Variants in DCAF1 observed in about 807,000 individuals in gnomAD.
The protein encoded by DCAF1 is DDB1 and CUL4 associated factor 1.
DCAF1 carries 15 observed loss-of-function variants against 128.0 expected under a neutral mutation model. That is an observed-to-expected ratio of 0.12 (90% CI 0.08 to 0.18). The LOEUF is 0.18. DCAF1 is among the 10% of genes least tolerant of loss of function. The pLI is 1.00. For synonymous variants in DCAF1, 610 were observed against 603.0 expected, an observed-to-expected ratio of 1.01 and a Z score of -0.17; for missense variants, 988 against 1,649.5, an observed-to-expected ratio of 0.60 and a Z score of 6.95.
rs1480780308 is a variant in DCAF1 at position 51,456,233 on chromosome 3, TA to T, written c.375+6880del. Among the ~76,000 whole-genome samples the T allele has an allele frequency of 4.6e-5, 7 of 152,126 alleles. No individual in the cohort carries two copies. The South Asian group carries it at 1.5e-3, about 32-fold the overall frequency. ...TAATACTGCGCTTTTCCAACAGGCT[TA>T]AAAAACGGCACACCAGGAGATTACA... On this transcript the variant is annotated intron_variant, in intron 6 of 24. Transcript: ENST00000684031.
intron 3 of DCAF1, among the ~76,000 whole-genome samples, chr3:51,482,223 T>C (rs1189644673): frequency 6.6e-6 from 1 of 151,480 alleles, no homozygotes; most frequent in Admixed American, 6.6e-5. Context: ...GACAGGAGGA[T>C]TGCTTGAGCC....
chr3:51,412,564 A>AC (rs1553628808), intron 22 of DCAF1, 84 bp from the exon 23 acceptor site: 2 of 1,582,266 alleles, frequency 1.3e-6, no homozygotes, highest in African/African-American at 2.7e-5. Context: ...GGTGCCCATG[A>AC]CCTTGACCCT....
chr3:51,440,080 C>T, intron 9 of DCAF1: 2 of 447,722 alleles, frequency 4.5e-6, no homozygotes, highest in East Asian at 6.5e-5. Flanking sequence ...CATAGTTTTT[C>T]CTCTCCTATT....
intron 24 of DCAF1, 109 bp from the exon 25 acceptor site, chr3:51,398,936 C>G: frequency 1.5e-6 from 2 of 1,354,020 alleles, no homozygotes; most frequent in South Asian, 2.6e-5. Flanking sequence ...AGGTTAACTA[C>G]CAGTTTCCAG....
chr3:51,470,614 T>C (rs1387019255), intron 4 of DCAF1, among the ~76,000 whole-genome samples: 1 of 152,146 alleles, frequency 6.6e-6, no homozygotes, highest in African/African-American at 2.4e-5. Flanking sequence ...TTTAATTCTT[T>C]GTCATCATAT....
At chr3:51,457,454 G>A (rs564721507) in intron 6 of DCAF1, among the ~76,000 whole-genome samples, 1 of 152,302 alleles carries the variant, frequency 6.6e-6, no homozygotes, top group South Asian at 2.1e-4. Context: ...ACCTGAAAGT[G>A]ACAGGGAGAA....
chr3:51,448,151 T>C (rs1553640717), intron 6 of DCAF1, among the ~76,000 whole-genome samples: 1 of 152,188 alleles, frequency 6.6e-6, no homozygotes, highest in Non-Finnish European at 1.5e-5. Context: ...TTTTGTTAAT[T>C]CTTAAAATTC....
intron 14 of DCAF1, among the ~76,000 whole-genome samples, chr3:51,421,402 G>A (rs1699380169): frequency 6.6e-6 from 1 of 152,196 alleles, no homozygotes; most frequent in Admixed American, 6.5e-5. Context: ...GATTACAGGC[G>A]CCTGTCACCA....
intron 24 of DCAF1, among the ~76,000 whole-genome samples, chr3:51,401,740 G>A (rs1385841297): frequency 3.3e-5 from 5 of 152,202 alleles, no homozygotes; most frequent in African/African-American, 1.2e-4. Flanking sequence ...ACCATCAGCT[G>A]GCCTGCTGTT....
At chr3:51,434,357 A>G (rs1432808479) in intron 9 of DCAF1, among the ~76,000 whole-genome samples, 2 of 149,802 alleles carry the variant, frequency 1.3e-5, no homozygotes, top group African/African-American at 2.5e-5. Context: ...AGCTAGGATC[A>G]ATTGCACCAC....
At chr3:51,449,916 A>C (rs1463155314) in intron 6 of DCAF1, among the ~76,000 whole-genome samples, 1 of 152,220 alleles carries the variant, frequency 6.6e-6, no homozygotes, top group Non-Finnish European at 1.5e-5. Flanking sequence ...AAATCTACCA[A>C]AACTGACTCA....
intron 24 of DCAF1, 23 bp downstream of exon 24, chr3:51,403,120 C>T: frequency 1.9e-6 from 3 of 1,589,692 alleles, no homozygotes; most frequent in Non-Finnish European, 2.6e-6. Flanking sequence ...CAAGGCTCAG[C>T]CTGAACTCTG....
rs1191143925 is a variant in DCAF1 at position 51,398,482 on chromosome 3, G to GT, written c.*286dup. 621 of 355,898 alleles carry GT rather than the reference G, an allele frequency of 1.7e-3. No individual in the cohort carries two copies. Among genetic ancestry groups the GT allele is most frequent in the Middle Eastern group, 3.8e-3 (5 of 1,332 alleles). 22.0% of individuals were successfully genotyped at this position (355,898 alleles called of 1,614,324 possible). On this transcript the variant is annotated 3_prime_UTR_variant, in exon 25 of 25. Transcript: ENST00000684031. ...TATTGTGAAATACCCCAGAGACATGGTTTTTTTTTCCCCTTGAAAGATATG... is the reference window on the plus strand; with the variant it reads ...TATTGTGAAATACCCCAGAGACATGGTTTTTTTTTTCCCCTTGAAAGATATG...
intron 9 of DCAF1, among the ~76,000 whole-genome samples, chr3:51,434,467 A>G (rs1296652428): frequency 6.6e-6 from 1 of 152,104 alleles, no homozygotes; most frequent in African/African-American, 2.4e-5. Flanking sequence ...TTGGTGAAAA[A>G]CTGCAGTTTT....
At chr3:51,458,934 T>C (rs1441073571) in intron 6 of DCAF1, among the ~76,000 whole-genome samples, 7 of 152,196 alleles carry the variant, frequency 4.6e-5, no homozygotes, top group South Asian at 2.1e-4. Flanking sequence ...GGGAAATTTA[T>C]AGCACTAAAT....
chr3:51,484,682 C>CTTT (rs1228009412), intron 2 of DCAF1, among the ~76,000 whole-genome samples: 14 of 127,076 alleles, frequency 1.1e-4, no homozygotes, highest in South Asian at 2.5e-4. Context: ...TTAATTTTTT[C>CTTT]TTTTTTTTTT....
At position 51,398,669 on chromosome 3, in the gene DCAF1, AAGAC is replaced by A. The variant is rs575040566; in HGVS notation, c.*96_*99del. ...GAATGCAGGGCATGCAGCTCCTTAA[AAGAC>A]AGACAGCCCTGGGAGAAAGAGAAGG... On this transcript the variant is annotated 3_prime_UTR_variant, in exon 25 of 25. Coordinates refer to ENST00000684031, the MANE Select transcript of DCAF1 (RefSeq NM_001387579.1). 1,323 of 1,483,336 alleles carry A rather than the reference AAGAC, an allele frequency of 8.9e-4. 9 individuals are homozygous for A. In the African/African-American group the frequency reaches 0.016, roughly 18 times the overall value. 91.9% of individuals were successfully genotyped at this position (1,483,336 alleles called of 1,614,324 possible).
At chr3:51,486,186 G>C (rs1232367459) in intron 2 of DCAF1, among the ~76,000 whole-genome samples, 1 of 148,736 alleles carries the variant, frequency 6.7e-6, no homozygotes, top group Non-Finnish European at 1.5e-5. Flanking sequence ...ACCACACCCG[G>C]CAGATTCTTT....
At chr3:51,440,676 C>T (rs770713000) in intron 9 of DCAF1, among the ~76,000 whole-genome samples, 27 of 152,094 alleles carry the variant, frequency 1.8e-4, no homozygotes, top group Admixed American at 6.5e-4. Flanking sequence ...GAGGCCAAGG[C>T]GGGCAGATCA....
Sources: gnomAD v4.1 joint callset for allele counts (sites outside exome capture counted in the v4.1 genomes callset) on GRCh38, gnomAD v4.1.1 for gene constraint, MANE v1.5 for transcripts, NCBI Gene and HGNC (gene_info 2026-07-23, HGNC 2026-07-21) for gene names.